The following PTPRM variants were observed in gnomAD, a reference collection of about 807,000 sequenced individuals.
PTPRM encodes receptor-type tyrosine-protein phosphatase mu.
PTPRM carries 47 observed loss-of-function variants against 186.7 expected under a neutral mutation model. The observed-to-expected ratio is 0.25, with a 90% CI of 0.20 to 0.32. The LOEUF (loss-of-function observed/expected upper bound fraction) is 0.32. Among genes scored for constraint, PTPRM ranks in the 10% least tolerant of loss-of-function variants. PTPRM has a pLI of 1.00. For missense variants in PTPRM, 1,494 were observed against 1,865.0 expected, an observed-to-expected ratio of 0.80 and a Z score of 3.66; for synonymous variants, 668 against 674.9, an observed-to-expected ratio of 0.99 and a Z score of 0.16.
At chr18:8,103,480 T>G (rs1356966384) in intron 11 of PTPRM, among the ~76,000 whole-genome samples, 1 of 152,244 alleles carries the variant, frequency 6.6e-6, no homozygotes, top group Non-Finnish European at 1.5e-5. Context: ...TTAAACCTCA[T>G]GAACCAACCT....
intron 1 of PTPRM, among the ~76,000 whole-genome samples, chr18:7,598,469 C>T (rs2037319360): frequency 6.6e-6 from 1 of 152,206 alleles, no homozygotes; most frequent in South Asian, 2.1e-4. Flanking sequence ...TCATCTACTG[C>T]AGGCTTAGTT....
intron 3 of PTPRM, among the ~76,000 whole-genome samples, chr18:7,901,650 C>T (rs777500813): frequency 6.6e-6 from 1 of 152,076 alleles, no homozygotes; most frequent in African/African-American, 2.4e-5. Context: ...AGGCATGAAC[C>T]ACTGTGCCTG....
chr18:7,737,884 A>G (rs370607781), intron 1 of PTPRM, among the ~76,000 whole-genome samples: 1 of 152,256 alleles, frequency 6.6e-6, no homozygotes. Context: ...GGCATATCCC[A>G]GTGTTGTCTT....
intron 11 of PTPRM, among the ~76,000 whole-genome samples, chr18:8,090,634 C>T (rs1341961844): frequency 1.3e-5 from 2 of 152,226 alleles, no homozygotes; most frequent in Admixed American, 1.3e-4. Flanking sequence ...TCACTCTGGT[C>T]GCCCAGGCTG....
At chr18:7,936,984 A>G (rs1341785548) in intron 5 of PTPRM, among the ~76,000 whole-genome samples, 1 of 152,176 alleles carries the variant, frequency 6.6e-6, no homozygotes, top group Non-Finnish European at 1.5e-5. Flanking sequence ...GCTGAGTGCT[A>G]AACACTTGTT....
chr18:8,361,630 T>G (rs1364104988), intron 23 of PTPRM, among the ~76,000 whole-genome samples: 1 of 152,170 alleles, frequency 6.6e-6, no homozygotes, highest in Non-Finnish European at 1.5e-5. Context: ...AGAACCACAT[T>G]CTAGAATCAC....
chr18:7,962,813 G>A (rs1423033728), intron 7 of PTPRM, among the ~76,000 whole-genome samples: 1 of 152,228 alleles, frequency 6.6e-6, no homozygotes, highest in East Asian at 1.9e-4. Context: ...AAAGATAGTA[G>A]TATTTGTGTT....
intron 32 of PTPRM, among the ~76,000 whole-genome samples, chr18:8,397,707 C>A (rs1278906067): frequency 6.6e-6 from 1 of 152,192 alleles, no homozygotes; most frequent in East Asian, 1.9e-4. Flanking sequence ...GGAGTGCTGG[C>A]ACCTGAGCTC....
intron 9 of PTPRM, among the ~76,000 whole-genome samples, chr18:8,078,889 G>A (rs989650069): frequency 6.6e-6 from 1 of 152,118 alleles, no homozygotes; most frequent in Non-Finnish European, 1.5e-5. Context: ...CATCACCAAG[G>A]GGGTGGCCCA....
chr18:8,070,093 T>C, intron 8 of PTPRM, 99 bp downstream of exon 8: 2 of 1,125,604 alleles, frequency 1.8e-6, no homozygotes, highest in Admixed American at 2.7e-5. Flanking sequence ...AAAGAACTAC[T>C]TATTTTGTTG....
At chr18:7,717,468 A>G (rs1371702002) in intron 1 of PTPRM, among the ~76,000 whole-genome samples, 2 of 152,152 alleles carry the variant, frequency 1.3e-5, no homozygotes, top group African/African-American at 4.8e-5. Context: ...TCAGCAGTAA[A>G]ATCGCCCACA....
Position 7,568,769 on chromosome 18 carries a change from A to G in PTPRM, c.73+878A>G, listed in dbSNP as rs1395276761. Among the ~76,000 whole-genome samples the G allele has an allele frequency of 6.6e-6, 1 of 151,722 alleles. No homozygotes were observed. Among genetic ancestry groups the G allele is most frequent in the African/African-American group, 2.4e-5 (1 of 41,296 alleles). ...GCGGGGGCGTTCTAAGCCCAGAGGA[A>G]CCCCTCACGGAGAGGATCTGTGGAT... On this transcript the variant is annotated intron_variant, in intron 1 of 32. Coordinates refer to ENST00000580170, the MANE Select transcript of PTPRM (RefSeq NM_001105244.2). This position sits in a 1 kb window ranked among gnomAD's most constrained non-coding sequence, Gnocchi z 5.1.
chr18:7,694,057 A>T (rs998185880), intron 1 of PTPRM, among the ~76,000 whole-genome samples: 1 of 152,194 alleles, frequency 6.6e-6, no homozygotes, highest in African/African-American at 2.4e-5. Flanking sequence ...GCTTTCTGCC[A>T]TGCCAGTGAA....
intron 20 of PTPRM, among the ~76,000 whole-genome samples, chr18:8,311,566 C>G (rs1601753536): frequency 6.6e-6 from 1 of 152,094 alleles, no homozygotes; most frequent in East Asian, 1.9e-4. Context: ...ATGACACTGT[C>G]TCTGACCACA....
chr18:7,994,642 A>G (rs548044661), intron 7 of PTPRM, among the ~76,000 whole-genome samples: 7 of 152,310 alleles, frequency 4.6e-5, no homozygotes, highest in African/African-American at 1.7e-4. Context: ...TCAGAACACA[A>G]TGGAATAAAC....
intron 19 of PTPRM, among the ~76,000 whole-genome samples, chr18:8,259,671 T>C (rs148535187): frequency 5.9e-4 from 90 of 152,148 alleles, no homozygotes; most frequent in African/African-American, 2.1e-3. Flanking sequence ...TGTGACTTAG[T>C]CTCACTCTGT....
intron 2 of PTPRM, among the ~76,000 whole-genome samples, chr18:7,860,022 A>G (rs2047284771): frequency 6.6e-6 from 1 of 152,102 alleles, no homozygotes; most frequent in Non-Finnish European, 1.5e-5. Flanking sequence ...GAATTTTCTG[A>G]TCCTTTTTGA....
intron 1 of PTPRM, among the ~76,000 whole-genome samples, chr18:7,600,213 C>T (rs1057042329): frequency 6.6e-6 from 1 of 151,308 alleles, no homozygotes; most frequent in Non-Finnish European, 1.5e-5. Context: ...AGAATAGTGA[C>T]TACCTCACAG....
At chr18:7,685,228 A>G (rs905280211) in intron 1 of PTPRM, among the ~76,000 whole-genome samples, 4 of 152,124 alleles carry the variant, frequency 2.6e-5, no homozygotes, top group African/African-American at 9.7e-5. Context: ...CCCCTGTCTG[A>G]ACCCTGCTGG....
Sources: gnomAD v4.1 joint callset for allele counts (sites outside exome capture counted in the v4.1 genomes callset) on GRCh38, gnomAD v4.1.1 for gene constraint, Gnocchi (gnomAD v3.1) non-coding constraint, MANE v1.5 for transcripts, NCBI Gene and HGNC (gene_info 2026-07-23, HGNC 2026-07-21) for gene names.